The following LMF1 variants were observed in gnomAD, a reference collection of about 807,000 sequenced individuals.
The protein encoded by LMF1 is lipase maturation factor 1.
Under a neutral mutation model 60.6 loss-of-function variants are expected in LMF1, and 68 were observed. The observed-to-expected ratio is 1.12, with a 90% CI of 0.92 to 1.37. The LOEUF (loss-of-function observed/expected upper bound fraction) is 1.37. Among genes scored for constraint, LMF1 ranks in the 40% most tolerant of loss-of-function variants. LMF1 has a pLI of 0.00. For synonymous variants in LMF1, 418 were observed against 324.7 expected (o/e 1.29, Z -3.09); for missense variants, 948 against 767.2 (o/e 1.24, Z -2.78).
chr16:909,716 G>A (rs1009115866), intron 4 of LMF1, among the ~76,000 whole-genome samples: 5 of 152,218 alleles, frequency 3.3e-5, no homozygotes, highest in Admixed American at 6.5e-5. Context: ...CCAAGTGTCC[G>A]CAGCTGCCCC....
intron 2 of LMF1, among the ~76,000 whole-genome samples, chr16:951,884 C>T (rs1284539324): frequency 6.6e-6 from 1 of 152,240 alleles, no homozygotes; most frequent in African/African-American, 2.4e-5. Context: ...AGAGACAGCT[C>T]ATGTGAACGT....
In LMF1 at chr16:962,393, T is replaced by C. The variant is rs7404696; in HGVS notation, c.194-7727A>G. On this transcript the variant is annotated intron_variant, in intron 1 of 10. Coordinates refer to ENST00000262301, the MANE Select transcript of LMF1 (RefSeq NM_022773.4). The surrounding 1 kb of genome is among the most constrained non-coding windows in gnomAD (Gnocchi z 4.5). ...CACATAATGTCCGCAGACACTCCCT[T>C]CAGGAGGCGGGGGCTGGACCCAGTG... 0.41 allele frequency among the ~76,000 whole-genome samples: 62,961 copies of C among 152,030 alleles called. 15,643 individuals carry two copies. The highest frequency in any genetic ancestry group is 0.7 in the African/African-American group (28,966 of 41,462).
intron 2 of LMF1, among the ~76,000 whole-genome samples, chr16:949,578 A>ACAACGACAGAGTCAGAGC (rs2072380857): frequency 8.7e-6 from 1 of 115,360 alleles, no homozygotes; most frequent in Admixed American, 8.4e-5. Context: ...AGAGTCAGAG[A>ACAACGACAGAGTCAGAGC]CAACGACAGA....
chr16:888,398 G>T lies in LMF1; in HGVS notation c.729+4609C>A, dbSNP rs17146011. Among the ~76,000 whole-genome samples, 1,259 of 152,302 alleles carry T rather than the reference G, an allele frequency of 8.3e-3. 19 individuals are homozygous for T. Among genetic ancestry groups the T allele is most frequent in the African/African-American group, 0.027 (1,133 of 41,554 alleles). ...ATGGAGAATTGTTTGCAACGTTCAG[G>T]GTCCCTGTACTCCAGATCCAGTGAG... On this transcript the variant is annotated intron_variant, in intron 5 of 10. Coordinates refer to ENST00000262301, the MANE Select transcript of LMF1 (RefSeq NM_022773.4).
chr16:969,788 T>C (rs1454314675), intron 1 of LMF1, among the ~76,000 whole-genome samples: 1 of 152,196 alleles, frequency 6.6e-6, no homozygotes, highest in African/African-American at 2.4e-5. Flanking sequence ...TCACTTGAGG[T>C]TCGTAGCTCC....
intron 1 of LMF1, among the ~76,000 whole-genome samples, chr16:960,575 C>T (rs190525062): frequency 0.22 from 20,012 of 92,804 alleles, 1,275 homozygotes; most frequent in South Asian, 0.35. Flanking sequence ...GGTGACAGCA[C>T]GGGATCACGA....
chr16:892,765 G>C lies in LMF1; in HGVS notation c.729+242C>G, dbSNP rs573375306. Among the ~76,000 whole-genome samples, 12 of 152,302 alleles carry C rather than the reference G, an allele frequency of 7.9e-5. No individual in the cohort carries two copies. In the East Asian group the frequency reaches 2.3e-3, roughly 29 times the overall value. ...ACAGCAGCGGAGGGTGCCCGTGCAGGAACCAGAGCAAACCAGCTGCACTCG... is the reference window on the plus strand; with the variant it reads ...ACAGCAGCGGAGGGTGCCCGTGCAGCAACCAGAGCAAACCAGCTGCACTCG... On this transcript the variant is annotated intron_variant, in intron 5 of 10. Transcript: ENST00000262301.
intron 2 of LMF1, among the ~76,000 whole-genome samples, chr16:953,022 T>C (rs371972003): frequency 4.5e-4 from 7 of 15,440 alleles, no homozygotes; most frequent in African/African-American, 2.0e-3. Context: ...GCCTCCTACA[T>C]ATCCACACAG....
At chr16:977,932 T>C (rs112440127) in intron 1 of LMF1, among the ~76,000 whole-genome samples, 186 of 48,254 alleles carry the variant, frequency 3.9e-3, no homozygotes, top group African/African-American at 0.029. Flanking sequence ...ACCACACACA[T>C]ACATCATACA....
chr16:963,774 T>C (rs910247020), intron 1 of LMF1, among the ~76,000 whole-genome samples: 2 of 152,058 alleles, frequency 1.3e-5, no homozygotes, highest in Non-Finnish European at 2.9e-5. Context: ...AAATCAGTAA[T>C]TCTAAGGCAA....
intron 1 of LMF1, among the ~76,000 whole-genome samples, chr16:957,555 C>A (rs936492206): frequency 2.0e-5 from 3 of 152,162 alleles, no homozygotes; most frequent in African/African-American, 4.8e-5. Context: ...AACACCCAGT[C>A]AGTGCTTCCG....
chr16:954,425 G>A lies in LMF1; in HGVS notation c.435C>T (p.Cys145=), dbSNP rs372788807. Reference sequence around the variant, plus strand: ...GGGCAGCCATGAGAAGCATGTTGGCGCAGCCCGTGATCAGTACGAAAGACG... The same window carrying A: ...GGGCAGCCATGAGAAGCATGTTGGCACAGCCCGTGATCAGTACGAAAGACG... The part of the protein sequence containing the change: ...GISSFVLITG[C]ANMLLMAALW... The change falls in exon 2 of 11, where the codon TGC becomes TGT. Residue 145 remains cysteine (C), a synonymous_variant. Coordinates refer to ENST00000262301, the MANE Select transcript of LMF1 (RefSeq NM_022773.4). 1.4e-4 allele frequency: 219 copies of A among 1,612,658 alleles called. 1 individual carries two copies. The South Asian group carries it at 1.5e-3, about 11-fold the overall frequency.
chr16:940,284 C>T (rs747910431), intron 2 of LMF1, among the ~76,000 whole-genome samples: 6 of 152,160 alleles, frequency 3.9e-5, no homozygotes, highest in Non-Finnish European at 5.9e-5. Context: ...AGCCTCCCCA[C>T]GTGGTCACGG....
chr16:871,299 G>C lies in LMF1; in HGVS notation c.940C>G (p.Leu314Val). The C allele has an allele frequency of 1.2e-6, 2 of 1,612,538 alleles. No individual in the cohort carries two copies. Among genetic ancestry groups the C allele is most frequent in the Non-Finnish European group, 1.7e-6 (2 of 1,179,824 alleles). ...CAGGCCAGGCTGGGCACCATAGTCA[G>C]CCAGTTCAGGAAGCTGAGGTTCCCG... ...VSGNLSFLNW[L>V]TMVPSLACFD... Residue 314 changes from leucine to valine, a missense_variant, in exon 7 of 11, where the codon CTG becomes GTG. Transcript: ENST00000262301.
At position 874,032 on chromosome 16, in the gene LMF1, G is replaced by A. The variant is rs2069891438; in HGVS notation, c.898-2691C>T. ...GATGAAGCTCCCAGTGGCTGGTGGA[G>A]GCCCGGCGGCGGGTGTGAGGGTCTC... On this transcript the variant is annotated intron_variant, in intron 6 of 10. Coordinates refer to ENST00000262301, the MANE Select transcript of LMF1 (RefSeq NM_022773.4). This position sits in a 1 kb window ranked among gnomAD's most constrained non-coding sequence, Gnocchi z 4.1. Among the ~76,000 whole-genome samples the A allele has an allele frequency of 6.6e-6, 1 of 152,246 alleles. No homozygotes were observed. The highest frequency in any genetic ancestry group is 6.5e-5 in the Admixed American group (1 of 15,286).
At chr16:935,425 G>T (rs1464916671) in intron 2 of LMF1, among the ~76,000 whole-genome samples, 2 of 152,154 alleles carry the variant, frequency 1.3e-5, no homozygotes, top group Non-Finnish European at 2.9e-5. Context: ...TGGCTTCAGA[G>T]TCCATGAATA....
At chr16:916,756 G>A (rs182751208) in intron 3 of LMF1, among the ~76,000 whole-genome samples, 1 of 152,374 alleles carries the variant, frequency 6.6e-6, no homozygotes, top group Non-Finnish European at 1.5e-5. Flanking sequence ...AGAGGGACAA[G>A]TGCAGGCTCT....
intron 3 of LMF1, chr16:933,994 TGAGATGCC>T: frequency 6.8e-7 from 1 of 1,469,832 alleles, no homozygotes; most frequent in Non-Finnish European, 9.0e-7. Context: ...ATCACACCTG[TGAGATGCC>T]GACAATCATG....
chr16:973,722 C>T (rs1156482246), upstream of LMF1, among the ~76,000 whole-genome samples: 1 of 152,128 alleles, frequency 6.6e-6, no homozygotes. Context: ...AAAATGAGGC[C>T]GGGCACCGGG....
Sources: allele counts gnomAD v4.1 joint callset (sites outside exome capture counted in the v4.1 genomes callset), GRCh38; gene constraint gnomAD v4.1.1; non-coding constraint Gnocchi (gnomAD v3.1); transcripts MANE v1.5; gene names NCBI Gene and HGNC (gene_info 2026-07-23, HGNC 2026-07-21).